Variants in GALNT15 observed in about 807,000 individuals in gnomAD.
GALNT15 encodes the protein polypeptide N-acetylgalactosaminyltransferase 15, also known as UDP-GalNAc transferase T15.
GALNT15 carries 67 observed loss-of-function variants against 66.8 expected under a neutral mutation model. That is an observed-to-expected ratio of 1.00 (90% CI 0.82 to 1.23). The LOEUF (loss-of-function observed/expected upper bound fraction) is 1.23. Among genes scored for constraint, GALNT15 ranks in the 50% most tolerant of loss-of-function variants. GALNT15 has a pLI of 0.00. For synonymous variants in GALNT15, 313 were observed against 311.5 expected, an observed-to-expected ratio of 1.00 and a Z score of -0.05; for missense variants, 827 against 804.3, an observed-to-expected ratio of 1.03 and a Z score of -0.34.
rs994134147 is a variant in GALNT15 at position 16,188,725 on chromosome 3, C to G, written c.540-7035C>G. Among the ~76,000 whole-genome samples, 1 of 152,202 alleles carries G rather than the reference C, an allele frequency of 6.6e-6. No individual in the cohort carries two copies. Among genetic ancestry groups the G allele is most frequent in the African/African-American group, 2.4e-5 (1 of 41,434 alleles). ...TCTCTGAATTGCTGCTCAAACCCTC[C>G]TCCTAGTTCTGGTCTACCCACCCCT... On this transcript the variant is annotated intron_variant, in intron 1 of 9. Transcript: ENST00000339732. The surrounding 1 kb of genome is among the most constrained non-coding windows in gnomAD (Gnocchi z 4.6).
rs1482860790 is a variant in GALNT15 at position 16,186,766 on chromosome 3, GC to G, written c.540-8992del. Among the ~76,000 whole-genome samples, 1 of 152,222 alleles carries G rather than the reference GC, an allele frequency of 6.6e-6. No individual in the cohort carries two copies. Among genetic ancestry groups the G allele is most frequent in the African/African-American group, 2.4e-5 (1 of 41,466 alleles). ...AAAGACAGAAAGTAGGTTAGTGGTT[GC>G]CACGGGCTGTGGTAGTTGTGGGAGC... On this transcript the variant is annotated intron_variant, in intron 1 of 9. Coordinates refer to ENST00000339732, the MANE Select transcript of GALNT15 (RefSeq NM_054110.5). This position sits in a 1 kb window ranked among gnomAD's most constrained non-coding sequence, Gnocchi z 5.1.
At chr3:16,179,421 T>C (rs926193129) in intron 1 of GALNT15, among the ~76,000 whole-genome samples, 2 of 152,176 alleles carry the variant, frequency 1.3e-5, no homozygotes, top group African/African-American at 4.8e-5. Flanking sequence ...TGTTTTCATC[T>C]TAAAATGGGG....
chr3:16,177,487 C>T (rs545515484), intron 1 of GALNT15, among the ~76,000 whole-genome samples: 4 of 152,218 alleles, frequency 2.6e-5, no homozygotes, highest in South Asian at 2.1e-4. Context: ...AAATGGATGT[C>T]GTGCATGTAT....
At chr3:16,210,148 A>G (rs1014946958) in intron 4 of GALNT15, among the ~76,000 whole-genome samples, 1 of 152,224 alleles carries the variant, frequency 6.6e-6, no homozygotes, top group Non-Finnish European at 1.5e-5. Context: ...ACAGAGCTAC[A>G]TATTTTACAT....
At chr3:16,244,537 T>C in the GALNT15 span, among the ~76,000 whole-genome samples, 1 of 152,218 alleles carries the variant, frequency 6.6e-6, no homozygotes, top group African/African-American at 2.4e-5. Flanking sequence ...CCTAACGCCA[T>C]TGGGCAAATC....
intron 9 of GALNT15, among the ~76,000 whole-genome samples, chr3:16,223,667 G>A (rs756786508): frequency 6.6e-6 from 1 of 151,816 alleles, no homozygotes; most frequent in Non-Finnish European, 1.5e-5. Context: ...AGGACTCAAG[G>A]GGCCCACACA....
At chr3:16,232,026 G>C (rs564044979), downstream of GALNT15, 1 of 1,343,734 alleles carries the variant, frequency 7.4e-7, no homozygotes, top group South Asian at 1.5e-5. Flanking sequence ...TTGCCCAGAT[G>C]CACCAATGCA....
rs981415563 is a variant in GALNT15 at position 16,206,771 on chromosome 3, G to T, written c.912-1732G>T. ...ATGCTTGAATACAAGTCCCTTTCTT[G>T]TCCTCTTATGATTGCTGAAGGTGGC... is the stretch of plus-strand genomic sequence containing the variant. On this transcript the variant is annotated intron_variant, in intron 3 of 9. Coordinates refer to ENST00000339732, the MANE Select transcript of GALNT15 (RefSeq NM_054110.5). Among the ~76,000 whole-genome samples, 4 of 150,876 alleles carry T rather than the reference G, an allele frequency of 2.7e-5. No individual in the cohort carries two copies. The East Asian group carries it at 7.8e-4, about 29-fold the overall frequency.
At position 16,227,473 on chromosome 3, in the gene GALNT15, C is replaced by T. The variant is rs757557990; in HGVS notation, c.1893C>T (p.Asp631=). Residue 631 remains aspartate, a synonymous_variant, in exon 10 of 10, where the codon GAC becomes GAT. Transcript: ENST00000339732. This position sits in a 1 kb window ranked among gnomAD's most constrained non-coding sequence, Gnocchi z 4.5. ...DGKARQQWRF[D]QINAVDER ...AAGCCCGCCAGCAGTGGCGTTTTGA[C>T]CAGATCAATGCTGTGGATGAACGAT... The T allele has an allele frequency of 2.7e-5, 43 of 1,614,070 alleles. No individual in the cohort carries two copies. The South Asian group carries it at 4.6e-4, about 17-fold the overall frequency.
At chr3:16,207,740 G>A (rs923714186) in intron 3 of GALNT15, among the ~76,000 whole-genome samples, 8 of 152,122 alleles carry the variant, frequency 5.3e-5, no homozygotes, top group African/African-American at 1.9e-4. Context: ...CTGAGAGCAG[G>A]GGTCCATAAA....
chr3:16,187,579 C>T lies in GALNT15; in HGVS notation c.540-8181C>T, dbSNP rs533306674. Among the ~76,000 whole-genome samples the T allele has an allele frequency of 1.1e-4, 16 of 152,254 alleles. No homozygotes were observed. In the South Asian group the frequency reaches 2.3e-3, roughly 22 times the overall value. On this transcript the variant is annotated intron_variant, in intron 1 of 9. Coordinates refer to ENST00000339732, the MANE Select transcript of GALNT15 (RefSeq NM_054110.5). This position sits in a 1 kb window ranked among gnomAD's most constrained non-coding sequence, Gnocchi z 5.1. ...CTTGAGGCTTAATCTTGGGAATTCT[C>T]GAATGTCACTTCTAGTACATTCTAT...
the GALNT15 span, among the ~76,000 whole-genome samples, chr3:16,245,957 A>G: frequency 1.5e-4 from 23 of 152,334 alleles, no homozygotes; most frequent in Admixed American, 5.9e-4. Flanking sequence ...TGAATGAATG[A>G]ACAGTAGAAG....
At chr3:16,240,728 A>G in the GALNT15 span, among the ~76,000 whole-genome samples, 1 of 128,726 alleles carries the variant, frequency 7.8e-6, no homozygotes, top group South Asian at 2.4e-4. Flanking sequence ...CACACACTCA[A>G]GCACCTTCAA....
In GALNT15 at chr3:16,175,857, G is replaced by T. The variant is rs1320902286; in HGVS notation, c.539+167G>T. Among the ~76,000 whole-genome samples, 1 of 152,236 alleles carries T rather than the reference G, an allele frequency of 6.6e-6. No homozygotes were observed. The highest frequency in any genetic ancestry group is 1.5e-5 in the Non-Finnish European group (1 of 68,044). The stretch of plus-strand genomic sequence containing the variant: ...GTCAGCAGCCCCTGGGCACTGGTGG[G>T]TTCTCAGAAATGCAGATTCTCAGAC... On this transcript the variant is annotated intron_variant, in intron 1 of 9. Transcript: ENST00000339732. The surrounding 1 kb of genome is among the most constrained non-coding windows in gnomAD (Gnocchi z 5.6).
Position 16,219,486 on chromosome 3 carries a change from C to CT in GALNT15, c.1477dup (p.Tyr493LeufsTer3). The CT allele has an allele frequency of 6.2e-7, 1 of 1,614,228 alleles. No individual in the cohort carries two copies. Among genetic ancestry groups the CT allele is most frequent in the South Asian group, 1.1e-5 (1 of 91,086 alleles). On this transcript the variant is annotated frameshift_variant, in exon 7 of 10. Transcript: ENST00000339732. LOFTEE classifies it high-confidence loss of function. This position sits in a 1 kb window ranked among gnomAD's most constrained non-coding sequence, Gnocchi z 4.3. ...CATTCCACTGGTTTCTGGCTAATGT[C>CT]TACCCTGAGCTGTACCCATCTGAAC...
downstream of GALNT15, chr3:16,231,906 A>G (rs2064085712): frequency 6.5e-7 from 1 of 1,535,498 alleles, no homozygotes; most frequent in Admixed American, 2.0e-5. This position sits in a 1 kb window ranked among gnomAD's most constrained non-coding sequence, Gnocchi z 4.1. Flanking sequence ...GATCCTCAAG[A>G]AGGCACTGCC....
Position 16,189,208 on chromosome 3 carries a change from A to G in GALNT15, c.540-6552A>G, listed in dbSNP as rs2063550112. ...GTTAGGCCAGGGTTCTAGGGAGATTAGGTCCAACAGGGGATCTAGCTGAAC... is the reference window on the plus strand; with the variant it reads ...GTTAGGCCAGGGTTCTAGGGAGATTGGGTCCAACAGGGGATCTAGCTGAAC... On this transcript the variant is annotated intron_variant, in intron 1 of 9. Coordinates refer to ENST00000339732, the MANE Select transcript of GALNT15 (RefSeq NM_054110.5). This position sits in a 1 kb window ranked among gnomAD's most constrained non-coding sequence, Gnocchi z 5.1. Among the ~76,000 whole-genome samples, 1 of 152,330 alleles carries G rather than the reference A, an allele frequency of 6.6e-6. No homozygotes were observed. Among genetic ancestry groups the G allele is most frequent in the Admixed American group, 6.5e-5 (1 of 15,306 alleles).
At chr3:16,223,264 G>A (rs944806720) in intron 9 of GALNT15, among the ~76,000 whole-genome samples, 1 of 152,180 alleles carries the variant, frequency 6.6e-6, no homozygotes, top group South Asian at 2.1e-4. Flanking sequence ...CTATTACCCT[G>A]GGGGAAAGAA....
downstream of GALNT15, among the ~76,000 whole-genome samples, chr3:16,235,973 C>T (rs149322577): frequency 6.5e-3 from 990 of 151,544 alleles, 12 homozygotes; most frequent in African/African-American, 0.023. Context: ...GGCATGGTGG[C>T]GGGTGCCTGT....
Sources: gnomAD v4.1 joint callset for allele counts (sites outside exome capture counted in the v4.1 genomes callset) on GRCh38, gnomAD v4.1.1 for gene constraint, Gnocchi (gnomAD v3.1) non-coding constraint, MANE v1.5 for transcripts, NCBI Gene and HGNC (gene_info 2026-07-23, HGNC 2026-07-21) for gene names.